The following C1orf167 variants were observed in gnomAD, a reference collection of about 807,000 sequenced individuals.
C1orf167 encodes uncharacterized protein C1orf167.
In C1orf167, 153 loss-of-function variants were observed where a neutral mutation model predicts 176.5. The observed-to-expected ratio is 0.87, with a 90% CI of 0.76 to 0.99. The LOEUF is 0.99. Ranked by LOEUF, C1orf167 falls within the 50% of genes least tolerant of loss-of-function variation. C1orf167 has a pLI of 0.00. For synonymous variants in C1orf167, 594 were observed against 752.7 expected, an observed-to-expected ratio of 0.79 and a Z score of 3.45; for missense variants, 1,490 against 1,817.7, an observed-to-expected ratio of 0.82 and a Z score of 3.28.
chr1:11,763,794 C>T (rs760666928), intron 1 of C1orf167, among the ~76,000 whole-genome samples: 2 of 152,134 alleles, frequency 1.3e-5, no homozygotes, highest in Non-Finnish European at 2.9e-5. Context: ...CAGGTGAGGG[C>T]CACTCCGCCC....
chr1:11,771,049 G>GTGTGTGTATATA (rs1491322371), intron 6 of C1orf167, among the ~76,000 whole-genome samples: 2 of 34,890 alleles, frequency 5.7e-5, no homozygotes, highest in African/African-American at 9.9e-5. Context: ...GTGTGTGTGT[G>GTGTGTGTATATA]TATATATATA....
Position 11,778,733 on chromosome 1 carries a change from C to T in C1orf167, c.2413C>T (p.Pro805Ser), listed in dbSNP as rs764083851. Residue 805 changes from proline (P) to serine (S), a missense_variant, in exon 11 of 21, where the codon CCA becomes TCA. Transcript: ENST00000688073. ...ATGGTGGCACTTGAGGGCACTGGGC[C>T]CAGATGCCACATCAAGCTGCACCAA... ...LRWWHLRALG[P>S]DATSSCTKTP... is the part of the protein sequence containing the mutation. 3 of 1,304,150 alleles carry T rather than the reference C, an allele frequency of 2.3e-6. 1 individual carries two copies. In the South Asian group the frequency reaches 3.7e-5, roughly 16 times the overall value. The allele number at this position is 1,304,150 out of a possible 1,614,324, so 80.8% of individuals were successfully genotyped here. A position where few individuals can be genotyped will look rare whatever the true frequency, so the allele number is the denominator to read the frequency against.
chr1:11,772,062 C>T lies in C1orf167; in HGVS notation c.1811-20C>T. 1 of 1,291,392 alleles carries T rather than the reference C, an allele frequency of 7.7e-7. No individual in the cohort carries two copies. The highest frequency in any genetic ancestry group is 1.3e-5 in the South Asian group (1 of 79,802). 80.0% of individuals were successfully genotyped at this position (1,291,392 alleles called of 1,614,324 possible). The stretch of plus-strand genomic sequence containing the variant: ...ATCTGCTTACTCTCTCTTTTCTCTC[C>T]CTCCTCCCTCTCTCCTTAGTGTTCT... On this transcript the variant is annotated intron_variant, in intron 7 of 20. Transcript: ENST00000688073.
chr1:11,779,768 TG>T, intron 12 of C1orf167, 33 bp from the exon 13 acceptor site: 1 of 1,274,894 alleles, frequency 7.8e-7, no homozygotes, highest in Non-Finnish European at 1.0e-6. Context: ...TGGGGGACAG[TG>T]GCCATCCTCA....
chr1:11,771,723 T>C, intron 7 of C1orf167, 87 bp downstream of exon 7: 1 of 853,008 alleles, frequency 1.2e-6, no homozygotes, highest in Non-Finnish European at 1.7e-6. Flanking sequence ...CGGGGGACCC[T>C]GGGCGAATGA....
rs1449405739 is a variant in C1orf167 at position 11,787,941 on chromosome 1, G to T, written c.3742G>T (p.Val1248Phe). 3.8e-6 allele frequency: 5 copies of T among 1,303,854 alleles called. No individual in the cohort carries two copies. Among genetic ancestry groups the T allele is most frequent in the Non-Finnish European group, 5.1e-6 (5 of 988,738 alleles). The allele number at this position is 1,303,854 out of a possible 1,614,324, so 80.8% of individuals were successfully genotyped here. Residue 1248 changes from valine (V) to phenylalanine (F), a missense_variant, in exon 18 of 21, where the codon GTC (valine) becomes TTC (phenylalanine). Coordinates refer to ENST00000688073, the MANE Select transcript of C1orf167 (RefSeq NM_001010881.2). The part of the protein sequence containing the change: ...WPQWPGQSSW[V>F]PGLPLWTRDQ... ...ACAGTGGCCTGGACAGAGTAGCTGGGTCCCAGGCCTGCCCCTGTGGACGAG... is the reference window on the plus strand; with the variant it reads ...ACAGTGGCCTGGACAGAGTAGCTGGTTCCCAGGCCTGCCCCTGTGGACGAG...
intron 20 of C1orf167, 200 bp from the exon 21 acceptor site, chr1:11,789,070 C>T (rs1274556905): frequency 1.1e-5 from 5 of 471,072 alleles, no homozygotes; most frequent in African/African-American, 2.1e-5. Flanking sequence ...TTGCTCTGCT[C>T]TGAGTACAGC....
At chr1:11,782,473 T>G (rs758738186) in intron 14 of C1orf167, 140 bp downstream of exon 14, 1,001 of 667,824 alleles carry the variant, frequency 1.5e-3, no homozygotes, top group Non-Finnish European at 1.9e-3. Context: ...TGAAGGGAGA[T>G]CCTAGCCTGG....
At position 11,789,395 on chromosome 1, in the gene C1orf167, A is replaced by C. The variant is rs886045185; in HGVS notation, c.4299A>C (p.Ala1433=). ...GPESGQEAAR[A]PRGWGLGAEH... is the part of the protein sequence containing the mutation. ...AGAGTGGACAGGAAGCCGCCAGAGC[A>C]CCGCGGGGTTGGGGGCTTGGGGCAG... Residue 1433 remains alanine, a synonymous_variant, in exon 21 of 21, where the codon GCA becomes GCC. Coordinates refer to ENST00000688073, the MANE Select transcript of C1orf167 (RefSeq NM_001010881.2). The C allele has an allele frequency of 5.6e-5, 73 of 1,303,134 alleles. No homozygotes were observed. Among genetic ancestry groups the C allele is most frequent in the Non-Finnish European group, 7.2e-5 (71 of 988,676 alleles). 80.7% of individuals were successfully genotyped at this position (1,303,134 alleles called of 1,614,324 possible).
At chr1:11,780,178 A>C (rs1438260570) in intron 13 of C1orf167, among the ~76,000 whole-genome samples, 168 bp downstream of exon 13, 1 of 152,252 alleles carries the variant, frequency 6.6e-6, no homozygotes, top group Non-Finnish European at 1.5e-5. Flanking sequence ...GTGAGATAAC[A>C]AACATCTGTG....
Position 11,772,254 on chromosome 1 carries a change from G to T in C1orf167, c.1983G>T (p.Leu661=), listed in dbSNP as rs10779764. The change falls in exon 8 of 21, where the codon CTG becomes CTT. Residue 661 remains leucine (L), a synonymous_variant. Coordinates refer to ENST00000688073, the MANE Select transcript of C1orf167 (RefSeq NM_001010881.2). ...GCCCCCAGCACCAGAGAGCTTGGCT[G>T]TGCAGGTAGGATGCCCTTCCCTTTT... ...PLSPQHQRAW[L]CRCFGAWQQF... is the part of the protein sequence containing the mutation. The T allele has an allele frequency of 7.7e-7, 1 of 1,302,026 alleles. No individual in the cohort carries two copies. Among genetic ancestry groups the T allele is most frequent in the Non-Finnish European group, 1.0e-6 (1 of 988,190 alleles). The allele number at this position is 1,302,026 out of a possible 1,614,324, so 80.7% of individuals were successfully genotyped here.
chr1:11,766,679 GC>G lies in C1orf167; in HGVS notation c.895del (p.Leu299PhefsTer26). On this transcript the variant is annotated frameshift_variant, in exon 3 of 21. Transcript: ENST00000688073. LOFTEE classifies it high-confidence loss of function. This position sits in a 1 kb window ranked among gnomAD's most constrained non-coding sequence, Gnocchi z 4.5. Reference protein sequence around the residue: ...VLASSDGRRRRLRGHRETAAF... With the variant: ...VLASSDGRRRXLRGHRETAAF... ...GCTTCCTCGGATGGGAGGAGGAGAC[GC>G]CTTCGAGGCCACAGGGAAACTGCGG... 1 of 1,289,816 alleles carries G rather than the reference GC, an allele frequency of 7.8e-7. No individual in the cohort carries two copies. The highest frequency in any genetic ancestry group is 1.0e-6 in the Non-Finnish European group (1 of 988,852). 79.9% of individuals were successfully genotyped at this position (1,289,816 alleles called of 1,614,324 possible). A position where few individuals can be genotyped will look rare whatever the true frequency, so the allele number is the denominator to read the frequency against.
Position 11,784,222 on chromosome 1 carries a change from G to C in C1orf167, c.3054G>C (p.Arg1018=). The C allele has an allele frequency of 7.8e-7, 1 of 1,281,496 alleles. No homozygotes were observed. Among genetic ancestry groups the C allele is most frequent in the Non-Finnish European group, 1.0e-6 (1 of 976,734 alleles). 79.4% of individuals were successfully genotyped at this position (1,281,496 alleles called of 1,614,324 possible). A position where few individuals can be genotyped will look rare whatever the true frequency, so the allele number is the denominator to read the frequency against. Residue 1018 remains arginine, a synonymous_variant, in exon 15 of 21, where the codon CGG becomes CGC. Transcript: ENST00000688073. The part of the protein sequence containing the change: ...CEVVRDTGVL[R]AQHQAFQDGL... ...TTGTAAGAGACACGGGGGTGCTCCGGGCCCAGCATCAAGCCTTTCAGGATG... is the reference window on the plus strand; with the variant it reads ...TTGTAAGAGACACGGGGGTGCTCCGCGCCCAGCATCAAGCCTTTCAGGATG...
chr1:11,772,546 C>T (rs567073138), intron 8 of C1orf167, among the ~76,000 whole-genome samples: 2 of 152,342 alleles, frequency 1.3e-5, no homozygotes, highest in East Asian at 3.9e-4. Context: ...GGATTACAGG[C>T]GTGAGCCAGC....
Position 11,784,325 on chromosome 1 carries a change from C to T in C1orf167, c.3157C>T (p.Gln1053Ter). The T allele has an allele frequency of 7.7e-7, 1 of 1,303,742 alleles. No homozygotes were observed. The highest frequency in any genetic ancestry group is 1.0e-6 in the Non-Finnish European group (1 of 988,734). The allele number at this position is 1,303,742 out of a possible 1,614,324, so 80.8% of individuals were successfully genotyped here. A position where few individuals can be genotyped will look rare whatever the true frequency, so the allele number is the denominator to read the frequency against. The change falls in exon 15 of 21, where the codon CAG (glutamine) becomes TAG (stop). Residue 1053 changes from glutamine (Q) to a stop codon, truncating the protein, a stop_gained. Coordinates refer to ENST00000688073, the MANE Select transcript of C1orf167 (RefSeq NM_001010881.2). LOFTEE classifies it high-confidence loss of function. ...AQEVAAGAQE[Q>*]RVAQASLARW... ...GGAAGTGGCAGCCGGGGCACAGGAG[C>T]AGCGTGTGGCCCAGGCCTCCCTTGC...
Position 11,779,957 on chromosome 1 carries a change from G to A in C1orf167, c.2807G>A (p.Arg936Gln), listed in dbSNP as rs922240056. 31 of 1,298,162 alleles carry A rather than the reference G, an allele frequency of 2.4e-5. No homozygotes were observed. The highest frequency in any genetic ancestry group is 5.6e-5 in the East Asian group (1 of 17,882). 80.4% of individuals were successfully genotyped at this position (1,298,162 alleles called of 1,614,324 possible). ...CTGGTGGAGTGGTGGGCCCAGGAGCGGGGCTGGCGGCTGGCACGAGATGCC... is the reference window on the plus strand; with the variant it reads ...CTGGTGGAGTGGTGGGCCCAGGAGCAGGGCTGGCGGCTGGCACGAGATGCC... Reference protein sequence around the residue: ...SRLVEWWAQERGWRLARDALC... With the variant: ...SRLVEWWAQEQGWRLARDALC... Residue 936 changes from arginine (R) to glutamine (Q), a missense_variant, in exon 13 of 21, where the codon CGG (arginine) becomes CAG (glutamine). Arg to Gln is a conservative substitution (Grantham distance 43). Coordinates refer to ENST00000688073, the MANE Select transcript of C1orf167 (RefSeq NM_001010881.2).
rs1374627501 is a variant in C1orf167 at position 11,771,043 on chromosome 1, G to GTATATATA, written c.1698-480_1698-479insATATATAT. On this transcript the variant is annotated intron_variant, in intron 6 of 20. Coordinates refer to ENST00000688073, the MANE Select transcript of C1orf167 (RefSeq NM_001010881.2). Reference sequence around the variant, plus strand: ...AGCGTGTGTGTGTATGTGTGTGTGTGTGTGTGTATATATATATATATATAT... The same window carrying GTATATATA: ...AGCGTGTGTGTGTATGTGTGTGTGTGTATATATATGTGTGTATATATATATATATATAT... 3.4e-4 allele frequency among the ~76,000 whole-genome samples: 24 copies of GTATATATA among 69,830 alleles called. 1 individual carries two copies. The highest frequency in any genetic ancestry group is 8.5e-3 in the Middle Eastern group (1 of 118). 45.8% of individuals were successfully genotyped at this position (69,830 alleles called of 152,430 possible). A position where few individuals can be genotyped will look rare whatever the true frequency, so the allele number is the denominator to read the frequency against.
At position 11,773,081 on chromosome 1, in the gene C1orf167, A is replaced by G. The variant is rs145737804; in HGVS notation, c.1988+822A>G. Among the ~76,000 whole-genome samples, 843 of 151,716 alleles carry G rather than the reference A, an allele frequency of 5.6e-3. 7 individuals carry two copies. Among genetic ancestry groups the G allele is most frequent in the African/African-American group, 0.02 (822 of 41,416 alleles). On this transcript the variant is annotated intron_variant, in intron 8 of 20. Transcript: ENST00000688073. ...CCCGGCTAATTTTTTTTGTATTTTT[A>G]GCAGAGTCAGGGTTTCACCATATTG...
intron 1 of C1orf167, among the ~76,000 whole-genome samples, chr1:11,763,100 A>AG (rs1275661678): frequency 6.6e-6 from 1 of 152,144 alleles, no homozygotes; most frequent in Non-Finnish European, 1.5e-5. Context: ...ACAGTGGGCA[A>AG]GGGGAAGAGG....
Sources: gnomAD v4.1 joint callset for allele counts (sites outside exome capture counted in the v4.1 genomes callset) on GRCh38, gnomAD v4.1.1 for gene constraint, Gnocchi (gnomAD v3.1) non-coding constraint, MANE v1.5 for transcripts, NCBI Gene and HGNC (gene_info 2026-07-23, HGNC 2026-07-21) for gene names.